KCNMA1: variants seen among roughly 807,000 people sequenced by gnomAD.
KCNMA1 encodes the protein potassium calcium-activated channel subfamily M alpha 1, also known as Calcium-activated potassium channel subunit alpha-1.
Under a neutral mutation model 140.0 loss-of-function variants are expected in KCNMA1, and 29 were observed. The ratio of observed to expected loss-of-function variants is 0.21; its 90% confidence interval spans 0.15 to 0.28. The LOEUF (loss-of-function observed/expected upper bound fraction) is 0.28, where lower values mean the gene tolerates loss of function less well. KCNMA1 is among the 10% of genes least tolerant of loss of function. KCNMA1 has a pLI of 1.00. For missense variants in KCNMA1, 880 were observed against 1,602.2 expected (o/e 0.55, Z 7.70); for synonymous variants, 612 against 611.9 (o/e 1.00, Z 0.00).
intron 2 of KCNMA1, among the ~76,000 whole-genome samples, chr10:77,328,384 A>G (rs2085021194): frequency 1.3e-5 from 2 of 152,232 alleles, no homozygotes; most frequent in African/African-American, 4.8e-5. Flanking sequence ...ACGAGGCCAC[A>G]GGACCAGTTA....
chr10:77,032,631 C>G (rs563759297), intron 15 of KCNMA1, among the ~76,000 whole-genome samples: 1 of 152,052 alleles, frequency 6.6e-6, no homozygotes, highest in Admixed American at 6.6e-5. Flanking sequence ...AGCCAGCAAT[C>G]TGCAATAAAA....
chr10:77,382,435 G>A (rs977619238), intron 2 of KCNMA1, among the ~76,000 whole-genome samples: 6 of 152,186 alleles, frequency 3.9e-5, no homozygotes, highest in South Asian at 2.1e-4. Flanking sequence ...GTAATTGGAG[G>A]AGAAGAGCCC....
At chr10:77,409,502 C>T (rs2096571038) in intron 1 of KCNMA1, among the ~76,000 whole-genome samples, 1 of 152,208 alleles carries the variant, frequency 6.6e-6, no homozygotes, top group South Asian at 2.1e-4. Flanking sequence ...GCCCAAGTGA[C>T]AGTCACTCTG....
intron 2 of KCNMA1, among the ~76,000 whole-genome samples, chr10:77,331,219 C>T (rs572497427): frequency 6.6e-6 from 1 of 152,292 alleles, no homozygotes; most frequent in South Asian, 2.1e-4. Flanking sequence ...CTGGCATACT[C>T]TCAGGCCTCT....
chr10:77,093,703 A>G (rs2096866392), intron 9 of KCNMA1, among the ~76,000 whole-genome samples: 1 of 152,214 alleles, frequency 6.6e-6, no homozygotes, highest in Non-Finnish European at 1.5e-5. Context: ...GGAAGAAGAG[A>G]ACTAGAATTT....
chr10:77,187,693 C>T (rs2098886847), intron 3 of KCNMA1, among the ~76,000 whole-genome samples: 2 of 152,104 alleles, frequency 1.3e-5, no homozygotes, highest in Non-Finnish European at 2.9e-5. Flanking sequence ...GACAAAAGAC[C>T]CATATAGGAT....
At chr10:77,193,639 T>C (rs928770720) in intron 3 of KCNMA1, among the ~76,000 whole-genome samples, 1 of 152,216 alleles carries the variant, frequency 6.6e-6, no homozygotes, top group Admixed American at 6.5e-5. Context: ...GAGTGGTTCA[T>C]GTGGGTGGGC....
At chr10:77,509,559 G>T (rs981997724) in intron 1 of KCNMA1, among the ~76,000 whole-genome samples, 9 of 152,146 alleles carry the variant, frequency 5.9e-5, no homozygotes, top group African/African-American at 2.2e-4. Context: ...CATATTTTGA[G>T]GAACTGCCAT....
At chr10:77,382,982 G>GTATATATA (rs1697557016) in intron 2 of KCNMA1, among the ~76,000 whole-genome samples, 3 of 75,368 alleles carry the variant, frequency 4.0e-5, no homozygotes, top group African/African-American at 2.3e-4. Flanking sequence ...GTGTGTGTGT[G>GTATATATA]TGTGTGTGTG....
intron 1 of KCNMA1, among the ~76,000 whole-genome samples, chr10:77,404,686 T>G (rs747918727): frequency 8.5e-5 from 13 of 152,180 alleles, no homozygotes; most frequent in Admixed American, 6.5e-4. Context: ...TCTATGCCCC[T>G]TTTCACAGCA....
chr10:77,190,344 GT>G (rs2098929268), intron 3 of KCNMA1, among the ~76,000 whole-genome samples: 1 of 152,164 alleles, frequency 6.6e-6, no homozygotes, highest in Non-Finnish European at 1.5e-5. Context: ...GCAGAATAAA[GT>G]AGATATTGTA....
intron 19 of KCNMA1, among the ~76,000 whole-genome samples, chr10:76,977,335 T>C (rs1460363590): frequency 1.3e-5 from 2 of 152,168 alleles, no homozygotes; most frequent in African/African-American, 4.8e-5. Context: ...TTTTAAGTCA[T>C]TGGGGAAACA....
At chr10:77,037,985 C>A (rs562191371) in intron 15 of KCNMA1, among the ~76,000 whole-genome samples, 1 of 152,274 alleles carries the variant, frequency 6.6e-6, no homozygotes, top group South Asian at 2.1e-4. Context: ...AATAGGGCAT[C>A]CATTTTCAGA....
At chr10:77,193,202 G>GGAATGAT (rs1345200384) in intron 3 of KCNMA1, among the ~76,000 whole-genome samples, 1 of 152,034 alleles carries the variant, frequency 6.6e-6, no homozygotes, top group Non-Finnish European at 1.5e-5. Flanking sequence ...TTACACTTTT[G>GGAATGAT]GAATGATGTC....
At chr10:77,602,494 C>A (rs567818158) in intron 1 of KCNMA1, among the ~76,000 whole-genome samples, 15 of 152,246 alleles carry the variant, frequency 9.9e-5, no homozygotes, top group Admixed American at 9.2e-4. Flanking sequence ...GCAATGATTG[C>A]ACAACTCTCT....
chr10:77,211,141 A>T (rs1489332013), intron 3 of KCNMA1, among the ~76,000 whole-genome samples: 2 of 152,118 alleles, frequency 1.3e-5, no homozygotes, highest in African/African-American at 4.8e-5. Flanking sequence ...AAACAAAAAA[A>T]CAAAGCTGGA....
Position 76,941,898 on chromosome 10 carries a change from C to T in KCNMA1, c.2902+2875G>A, listed in dbSNP as rs574934388. On this transcript the variant is annotated intron_variant, in intron 23 of 27. Transcript: ENST00000286628. ...GTTCAGTCTCTGGTGAGGACTTTCTCGCAGTGTCCTCACATGACAGAAGGG... is the reference window on the plus strand; with the variant it reads ...GTTCAGTCTCTGGTGAGGACTTTCTTGCAGTGTCCTCACATGACAGAAGGG... Among the ~76,000 whole-genome samples, 9 of 152,262 alleles carry T rather than the reference C, an allele frequency of 5.9e-5. No individual in the cohort carries two copies. The South Asian group carries it at 6.2e-4, about 11-fold the overall frequency.
intron 2 of KCNMA1, chr10:77,350,249 T>G (rs1310307365): frequency 6.6e-6 from 1 of 152,176 alleles, no homozygotes; most frequent in Non-Finnish European, 1.5e-5. Context: ...CACACCACAC[T>G]TTACAGGCAC....
chr10:76,893,562 A>T (rs2041160748), intron 25 of KCNMA1, among the ~76,000 whole-genome samples: 1 of 152,008 alleles, frequency 6.6e-6, no homozygotes, highest in Non-Finnish European at 1.5e-5. Flanking sequence ...CAACGTGGTG[A>T]ATCCTAGTCT....
Sources: allele counts gnomAD v4.1 joint callset (sites outside exome capture counted in the v4.1 genomes callset), GRCh38; gene constraint gnomAD v4.1.1; transcripts MANE v1.5; gene names NCBI Gene and HGNC (gene_info 2026-07-23, HGNC 2026-07-21).